AGBL1: variants seen among roughly 807,000 people sequenced by gnomAD.
AGBL1 encodes AGBL carboxypeptidase 1, also known as cytosolic carboxypeptidase 4.
A neutral mutation model predicts 118.9 loss-of-function variants in AGBL1; 130 were observed. That is an observed-to-expected ratio of 1.09 (90% CI 0.95 to 1.26). AGBL1 has a LOEUF of 1.26. Among genes scored for constraint, AGBL1 ranks in the 50% most tolerant of loss-of-function variants. The probability of loss-of-function intolerance (pLI) is 0.00; values close to 1 mark genes in which losing one functional copy is unlikely to be tolerated. For synonymous variants in AGBL1, 555 were observed against 478.9 expected (o/e 1.16, Z -2.08); for missense variants, 1,584 against 1,298.1 (o/e 1.22, Z -3.38).
chr15:86,181,689 A>G (rs985593307), intron 5 of AGBL1, among the ~76,000 whole-genome samples: 1 of 152,048 alleles, frequency 6.6e-6, no homozygotes, highest in African/African-American at 2.4e-5. Flanking sequence ...ATAAGTCAAT[A>G]CATCAGTCAA....
At chr15:86,760,087 T>A (rs557680226) in intron 22 of AGBL1, among the ~76,000 whole-genome samples, 3 of 152,246 alleles carry the variant, frequency 2.0e-5, no homozygotes, top group African/African-American at 7.2e-5. Context: ...TTTATCCCAC[T>A]GATGATCAAC....
At chr15:86,096,061 A>T (rs1372660300) in intron 1 of AGBL1, among the ~76,000 whole-genome samples, 4 of 152,060 alleles carry the variant, frequency 2.6e-5, no homozygotes, top group Admixed American at 6.6e-5. Flanking sequence ...ATACATTAAA[A>T]TTTTTTTGTT....
chr15:86,090,835 C>A (rs1227455371), intron 1 of AGBL1, among the ~76,000 whole-genome samples: 1 of 151,980 alleles, frequency 6.6e-6, no homozygotes, highest in Non-Finnish European at 1.5e-5. Context: ...TTTCTTATAT[C>A]TTGTTGCTTT....
intron 18 of AGBL1, among the ~76,000 whole-genome samples, chr15:86,435,576 T>C (rs1160401511): frequency 6.6e-6 from 1 of 152,236 alleles, no homozygotes; most frequent in African/African-American, 2.4e-5. Context: ...AGGTTCTGTG[T>C]CATTTTATTA....
intron 18 of AGBL1, among the ~76,000 whole-genome samples, chr15:86,519,897 T>C (rs1159588351): frequency 6.6e-6 from 1 of 152,222 alleles, no homozygotes; most frequent in Non-Finnish European, 1.5e-5. Context: ...TGGTCCTCCT[T>C]TGTGTGCTGT....
intron 17 of AGBL1, among the ~76,000 whole-genome samples, chr15:86,392,776 C>T (rs1049062583): frequency 6.6e-6 from 1 of 152,134 alleles, no homozygotes; most frequent in African/African-American, 2.4e-5. Context: ...GAATAAAAAT[C>T]TGTCCAAACC....
chr15:86,514,478 TTTC>T (rs1263339947), intron 18 of AGBL1, among the ~76,000 whole-genome samples: 2 of 152,162 alleles, frequency 1.3e-5, no homozygotes, highest in Non-Finnish European at 2.9e-5. Context: ...GTTCAGTTCT[TTTC>T]TTCTTACTTC....
chr15:86,356,567 G>A (rs2080724490), intron 17 of AGBL1, among the ~76,000 whole-genome samples: 1 of 152,102 alleles, frequency 6.6e-6, no homozygotes, highest in Non-Finnish European at 1.5e-5. Flanking sequence ...CCAAGCAGAT[G>A]TCTTAGAGTG....
At chr15:86,120,972 C>T (rs1457850640) in intron 1 of AGBL1, among the ~76,000 whole-genome samples, 3 of 151,872 alleles carry the variant, frequency 2.0e-5, no homozygotes, top group African/African-American at 7.3e-5. Flanking sequence ...TCTCAACTCA[C>T]TGCAACCTCT....
rs540221421 is a variant in AGBL1 at position 86,482,161 on chromosome 15, C to T, written c.2556-40649C>T. ...ATATATTTATAATCCTTTTGAGCTC[C>T]TTGGAGGAAAGATGCAATATGAATA... On this transcript the variant is annotated intron_variant, in intron 18 of 22. Coordinates refer to ENST00000614907, the MANE Select transcript of AGBL1 (RefSeq NM_001386094.1). Among the ~76,000 whole-genome samples, 186 of 152,184 alleles carry T rather than the reference C, an allele frequency of 1.2e-3. 1 individual carries two copies. The highest frequency in any genetic ancestry group is 4.2e-3 in the African/African-American group (175 of 41,546).
intron 21 of AGBL1, among the ~76,000 whole-genome samples, chr15:86,563,584 G>T (rs2083864533): frequency 1.6e-5 from 2 of 121,830 alleles, no homozygotes; most frequent in Non-Finnish European, 3.5e-5. Context: ...GTACGATGTG[G>T]TGCTGAGAAG....
intron 24 of AGBL1, among the ~76,000 whole-genome samples, chr15:87,013,324 T>A (rs2081580217): frequency 1.3e-5 from 2 of 152,156 alleles, no homozygotes. Context: ...TATTTTTCAG[T>A]GAATTTTCCA....
intron 18 of AGBL1, among the ~76,000 whole-genome samples, chr15:86,494,038 A>T (rs1389358377): frequency 6.6e-6 from 1 of 151,818 alleles, no homozygotes; most frequent in Admixed American, 6.6e-5. Context: ...TTCTTCCTTC[A>T]TTTCTGAACC....
intron 23 of AGBL1, among the ~76,000 whole-genome samples, chr15:86,930,911 C>G (rs1226771676): frequency 1.3e-5 from 2 of 152,008 alleles, no homozygotes; most frequent in Non-Finnish European, 2.9e-5. Flanking sequence ...TGTCTGATTC[C>G]CTATAGAAAC....
At chr15:86,198,646 T>C (rs965913694) in intron 5 of AGBL1, among the ~76,000 whole-genome samples, 4 of 152,082 alleles carry the variant, frequency 2.6e-5, no homozygotes, top group African/African-American at 9.7e-5. Context: ...GATGGCCTCA[T>C]GAGAAGAGGA....
At chr15:86,595,871 A>C (rs1362371774) in intron 21 of AGBL1, among the ~76,000 whole-genome samples, 2 of 151,764 alleles carry the variant, frequency 1.3e-5, no homozygotes, top group Non-Finnish European at 2.9e-5. Flanking sequence ...GAATTCATAG[A>C]GTCTGGAAAA....
chr15:86,475,846 G>T (rs1343407639), intron 18 of AGBL1, among the ~76,000 whole-genome samples: 4 of 152,216 alleles, frequency 2.6e-5, no homozygotes, highest in Admixed American at 2.6e-4. Flanking sequence ...TACCCACAAA[G>T]GGAAGCCCAT....
At chr15:86,511,656 G>A (rs183688119) in intron 18 of AGBL1, among the ~76,000 whole-genome samples, 5 of 151,954 alleles carry the variant, frequency 3.3e-5, no homozygotes, top group Non-Finnish European at 7.4e-5. Context: ...GATCCATGAG[G>A]AGAATACATA....
At chr15:86,453,441 A>G (rs2082221113) in intron 18 of AGBL1, among the ~76,000 whole-genome samples, 1 of 152,148 alleles carries the variant, frequency 6.6e-6, no homozygotes, top group Non-Finnish European at 1.5e-5. Context: ...TGTGAAGGAG[A>G]TTGGGAAAAG....
Sources: gnomAD v4.1 joint callset for allele counts (sites outside exome capture counted in the v4.1 genomes callset) on GRCh38, gnomAD v4.1.1 for gene constraint, MANE v1.5 for transcripts, NCBI Gene and HGNC (gene_info 2026-07-23, HGNC 2026-07-21) for gene names.